The following LOC128706665 variants were observed in gnomAD, a reference collection of about 807,000 sequenced individuals.
At chr20:10,432,789 CAAAAAAAAAAAAAAA>C in the LOC128706665 span, among the ~76,000 whole-genome samples, 2 of 74,560 alleles carry the variant, frequency 2.7e-5, no homozygotes, top group Admixed American at 1.9e-4. Context: ...GACTCTTTGT[CAAAAAAAAAAAAAAA>C]AAAAAAAAAA....
At chr20:10,427,588 TC>T in the LOC128706665 span, among the ~76,000 whole-genome samples, 2 of 152,236 alleles carry the variant, frequency 1.3e-5, no homozygotes, top group Non-Finnish European at 2.9e-5. Flanking sequence ...TTTTTTATCC[TC>T]AATTTTTAAT....
the LOC128706665 span, chr20:10,431,868 G>T: frequency 6.6e-6 from 1 of 152,380 alleles, no homozygotes; most frequent in East Asian, 1.9e-4. Context: ...TCTTAGTTCA[G>T]ATGTCACCTA....
the LOC128706665 span, among the ~76,000 whole-genome samples, chr20:10,425,295 A>G: frequency 6.6e-6 from 1 of 152,218 alleles, no homozygotes; most frequent in South Asian, 2.1e-4. Context: ...TAATGGCGAT[A>G]TCCTAATTTG....
chr20:10,433,082 C>A, the LOC128706665 span, among the ~76,000 whole-genome samples: 2 of 152,234 alleles, frequency 1.3e-5, no homozygotes, highest in African/African-American at 4.8e-5. Context: ...CCGCTCACCG[C>A]AACCTCCGCC....
At chr20:10,433,452 A>G in the LOC128706665 span, among the ~76,000 whole-genome samples, 1 of 152,216 alleles carries the variant, frequency 6.6e-6, no homozygotes, top group African/African-American at 2.4e-5. Flanking sequence ...CTAACTCGGC[A>G]GTGCTGTAGA....
the LOC128706665 span, among the ~76,000 whole-genome samples, chr20:10,415,998 C>T: frequency 1.6e-3 from 241 of 152,178 alleles, 1 homozygote; most frequent in Middle Eastern, 0.014. Context: ...AAAAAAAAAC[C>T]AAACCACTGG....
chr20:10,427,029 G>GACACACACACAGACACACACACACAC, the LOC128706665 span, among the ~76,000 whole-genome samples: 164 of 130,774 alleles, frequency 1.3e-3, no homozygotes, highest in African/African-American at 3.6e-3. Context: ...AGAAAACACT[G>GACACACACACAGACACACACACACAC]ACACACACAC....
At chr20:10,417,244 T>TTAA in the LOC128706665 span, among the ~76,000 whole-genome samples, 269 of 19,622 alleles carry the variant, frequency 0.014, 4 homozygotes, top group Admixed American at 0.12. Flanking sequence ...AGACTCCATC[T>TTAA]TAAAAAAAAA....
At chr20:10,422,545 G>A in the LOC128706665 span, among the ~76,000 whole-genome samples, 2 of 152,074 alleles carry the variant, frequency 1.3e-5, no homozygotes, top group African/African-American at 4.8e-5. Flanking sequence ...GAGGGACAGA[G>A]GCTGCACCAA....
the LOC128706665 span, chr20:10,434,209 T>A: frequency 6.6e-6 from 1 of 152,216 alleles, no homozygotes; most frequent in Non-Finnish European, 1.5e-5. Flanking sequence ...AACCTTCGCG[T>A]CGCGCGAGGG....
At chr20:10,418,239 A>G in the LOC128706665 span, among the ~76,000 whole-genome samples, 10 of 152,266 alleles carry the variant, frequency 6.6e-5, no homozygotes, top group African/African-American at 2.4e-4. Context: ...AAAGATGGAT[A>G]AAAGAAGACT....
the LOC128706665 span, among the ~76,000 whole-genome samples, chr20:10,421,543 G>A: frequency 6.6e-6 from 1 of 152,032 alleles, no homozygotes; most frequent in East Asian, 1.9e-4. Flanking sequence ...TGTTTCAACT[G>A]CGATTGCAAC....
chr20:10,433,820 TG>T, the LOC128706665 span, among the ~76,000 whole-genome samples: 1 of 152,018 alleles, frequency 6.6e-6, no homozygotes, highest in African/African-American at 2.4e-5. Context: ...GCAGCGCAGG[TG>T]GGAGCGTGGT....
At chr20:10,425,230 T>G in the LOC128706665 span, among the ~76,000 whole-genome samples, 4 of 152,280 alleles carry the variant, frequency 2.6e-5, no homozygotes, top group Non-Finnish European at 4.4e-5. Context: ...TAATCCCTCT[T>G]GCAAAGAATA....
the LOC128706665 span, among the ~76,000 whole-genome samples, chr20:10,426,713 G>A: frequency 6.6e-6 from 1 of 152,218 alleles, no homozygotes; most frequent in Non-Finnish European, 1.5e-5. Flanking sequence ...GTCCTTGGCT[G>A]ATTTTCATGT....
the LOC128706665 span, among the ~76,000 whole-genome samples, chr20:10,418,591 A>G: frequency 6.6e-6 from 1 of 152,152 alleles, no homozygotes; most frequent in Non-Finnish European, 1.5e-5. Context: ...AAAACTTTTA[A>G]CTATTGCTGC....
chr20:10,427,999 T>C, the LOC128706665 span, among the ~76,000 whole-genome samples: 1 of 152,384 alleles, frequency 6.6e-6, no homozygotes, highest in South Asian at 2.1e-4. Flanking sequence ...TTATGTCTTT[T>C]GCTATTCCTC....
the LOC128706665 span, among the ~76,000 whole-genome samples, chr20:10,422,522 T>A: frequency 3.3e-5 from 5 of 152,138 alleles, no homozygotes; most frequent in Non-Finnish European, 5.9e-5. Flanking sequence ...TATTAAGGGC[T>A]ACTTACTTAT....
the LOC128706665 span, chr20:10,413,998 T>C: frequency 2.5e-6 from 1 of 395,528 alleles, no homozygotes; most frequent in Non-Finnish European, 4.4e-6. Context: ...TGCAGTTTAA[T>C]AATTTATTCT....
Sources: allele counts gnomAD v4.1 joint callset (sites outside exome capture counted in the v4.1 genomes callset), GRCh38; gene constraint gnomAD v4.1.1; transcripts MANE v1.5.